The following SLC25A37 variants were observed in gnomAD, a reference collection of about 807,000 sequenced individuals.
SLC25A37 encodes mitoferrin-1.
In SLC25A37, 17 loss-of-function variants were observed where a neutral mutation model predicts 31.0. The ratio of observed to expected loss-of-function variants is 0.55; its 90% CI spans 0.38 to 0.82. The LOEUF is 0.82. Among genes scored for constraint, SLC25A37 ranks in the 40% least tolerant of loss-of-function variants. SLC25A37 has a pLI of 0.00. For missense variants in SLC25A37, 404 were observed against 465.8 expected (o/e 0.87, Z 1.22); for synonymous variants, 222 against 193.0 (o/e 1.15, Z -1.24).
chr8:23,571,778 GC>G lies in SLC25A37; in HGVS notation c.942del (p.Ile315PhefsTer34). ...ARVIYQMPST[A>X]ISWSVYEFFK... ...TGTCATCTACCAGATGCCCTCCACCGCCATTTCTTGGTCTGTCTATGAGTTC... is the reference window on the plus strand; with the variant it reads ...TGTCATCTACCAGATGCCCTCCACCGCATTTCTTGGTCTGTCTATGAGTTC... On this transcript the variant is annotated frameshift_variant, in exon 4 of 4. Transcript: ENST00000519973. LOFTEE classifies it high-confidence loss of function. 6.2e-7 allele frequency: 1 copy of G among 1,614,006 alleles called. No homozygotes were observed. Among genetic ancestry groups the G allele is most frequent in the Non-Finnish European group, 8.5e-7 (1 of 1,179,894 alleles).
At chr8:23,557,636 G>A (rs888043999) in intron 1 of SLC25A37, among the ~76,000 whole-genome samples, 1 of 152,200 alleles carries the variant, frequency 6.6e-6, no homozygotes, top group Non-Finnish European at 1.5e-5. Context: ...GCAGACCCCA[G>A]TGAAGCAGGA....
intron 1 of SLC25A37, among the ~76,000 whole-genome samples, chr8:23,547,328 C>T (rs569681966): frequency 4.6e-5 from 7 of 151,994 alleles, no homozygotes; most frequent in Non-Finnish European, 7.4e-5. Context: ...AGAAGCAAGG[C>T]GAAAGCAGAT....
intron 1 of SLC25A37, among the ~76,000 whole-genome samples, chr8:23,544,371 CAA>C (rs1801979865): frequency 6.6e-6 from 1 of 152,176 alleles, no homozygotes; most frequent in South Asian, 2.1e-4. Flanking sequence ...AGTCACCTAA[CAA>C]TGCATATCTC....
chr8:23,560,510 T>G (rs1802487796), intron 1 of SLC25A37, among the ~76,000 whole-genome samples: 1 of 152,194 alleles, frequency 6.6e-6, no homozygotes, highest in Non-Finnish European at 1.5e-5. Context: ...CTCCTCTGTA[T>G]CCTGGTGCCA....
At chr8:23,545,624 T>C (rs1380781309) in intron 1 of SLC25A37, among the ~76,000 whole-genome samples, 3 of 152,206 alleles carry the variant, frequency 2.0e-5, no homozygotes, top group Non-Finnish European at 4.4e-5. Flanking sequence ...GGAGCACGTG[T>C]GTGGGCCTTT....
rs1308275419 is a variant in SLC25A37 at position 23,571,465 on chromosome 8, C to T, written c.627C>T (p.Ile209=). ...ACACCACGCAGCTGACCATGAACAT[C>T]CCCTTCCAGTCCATCCACTTCATCA... ...RSYTTQLTMN[I]PFQSIHFITY... is the part of the protein sequence containing the mutation. The change falls in exon 4 of 4, where the codon ATC becomes ATT. Residue 209 remains isoleucine, a synonymous_variant. Transcript: ENST00000519973. The T allele has an allele frequency of 3.7e-6, 6 of 1,614,030 alleles. No individual in the cohort carries two copies. In the South Asian group the frequency reaches 5.5e-5, roughly 15 times the overall value.
Position 23,566,205 on chromosome 8 carries a change from C to T in SLC25A37, c.308C>T (p.Pro103Leu). Residue 103 changes from proline to leucine, a missense_variant, in exon 2 of 4, where the codon CCC becomes CTC. Pro to Leu is a moderately conservative substitution (Grantham distance 98). Coordinates refer to ENST00000519973, the MANE Select transcript of SLC25A37 (RefSeq NM_016612.4). ...ATGCGGACCGAAGGCTTCTGGAGGC[C>T]CTTGCGAGGCGTCAACGTCATGATC... is the stretch of plus-strand genomic sequence containing the variant. ...KIMRTEGFWR[P>L]LRGVNVMIMG... is the part of the protein sequence containing the mutation. 1 of 1,604,542 alleles carries T rather than the reference C, an allele frequency of 6.2e-7. No individual in the cohort carries two copies.
At chr8:23,559,869 G>A (rs1014467043) in intron 1 of SLC25A37, among the ~76,000 whole-genome samples, 1 of 152,148 alleles carries the variant, frequency 6.6e-6, no homozygotes, top group African/African-American at 2.4e-5. Flanking sequence ...TCCACTGTAT[G>A]GATATATTAC....
rs142793120 is a variant in SLC25A37, at chr8:23,567,207, C to T, written c.439+871C>T. 2.2e-4 allele frequency: 33 copies of T among 152,198 alleles called. 1 individual carries two copies. In the East Asian group the frequency reaches 4.1e-3, roughly 19 times the overall value. 9.4% of individuals were successfully genotyped at this position (152,198 alleles called of 1,614,324 possible). ...AGATTTGACCCACAATAACTTCTCC[C>T]CCTCTCTTTTTACTCTGCTCAAAAA... On this transcript the variant is annotated intron_variant, in intron 2 of 3. Transcript: ENST00000519973.
intron 1 of SLC25A37, among the ~76,000 whole-genome samples, chr8:23,534,266 T>G (rs1371842958): frequency 6.6e-6 from 1 of 152,134 alleles, no homozygotes; most frequent in Non-Finnish European, 1.5e-5. Context: ...TTCTTTTTGT[T>G]GAACTGGAAA....
intron 3 of SLC25A37, chr8:23,568,754 C>T: frequency 3.8e-6 from 1 of 263,126 alleles, no homozygotes; most frequent in East Asian, 9.0e-5. Flanking sequence ...ACCAGCCTGG[C>T]CAACATGGAG....
chr8:23,552,006 T>A (rs1453576057), intron 1 of SLC25A37, among the ~76,000 whole-genome samples: 2 of 152,192 alleles, frequency 1.3e-5, no homozygotes, highest in African/African-American at 2.4e-5. Flanking sequence ...ATTGTTTGAT[T>A]TAGCCATTTT....
Position 23,571,528 on chromosome 8 carries a change from G to A in SLC25A37, c.690G>A (p.Arg230=). The stretch of plus-strand genomic sequence containing the variant: ...TGCAGGAGCAGGTCAACCCCCACCG[G>A]ACCTACAACCCGCAGTCCCACATCA... The part of the protein sequence containing the change: ...EFLQEQVNPH[R]TYNPQSHIIS... Residue 230 remains arginine, a synonymous_variant, in exon 4 of 4, where the codon CGG becomes CGA. Transcript: ENST00000519973. 1 of 1,613,918 alleles carries A rather than the reference G, an allele frequency of 6.2e-7. No individual in the cohort carries two copies. Among genetic ancestry groups the A allele is most frequent in the Non-Finnish European group, 8.5e-7 (1 of 1,179,850 alleles).
chr8:23,546,249 C>T (rs1267662121), intron 1 of SLC25A37, among the ~76,000 whole-genome samples: 2 of 151,828 alleles, frequency 1.3e-5, no homozygotes, highest in Admixed American at 6.6e-5. Context: ...TGCAGTGAGC[C>T]GTGATCATGC....
In SLC25A37 at chr8:23,529,095, C is replaced by G. The variant is rs1465942663; in HGVS notation, c.93C>G (p.Thr31=). The G allele has an allele frequency of 6.2e-7, 1 of 1,606,294 alleles. No individual in the cohort carries two copies. Among genetic ancestry groups the G allele is most frequent in the Non-Finnish European group, 8.5e-7 (1 of 1,177,364 alleles). The part of the protein sequence containing the change: ...SRDGGGGKDA[T]GSEDYENLPT... ...ATGGCGGCGGCGGCAAGGACGCCACCGGGTCGGAGGACTACGAGAACCTGC... is the reference window on the plus strand; with the variant it reads ...ATGGCGGCGGCGGCAAGGACGCCACGGGGTCGGAGGACTACGAGAACCTGC... Residue 31 remains threonine, a synonymous_variant, in exon 1 of 4, where the codon ACC becomes ACG. Coordinates refer to ENST00000519973, the MANE Select transcript of SLC25A37 (RefSeq NM_016612.4). The surrounding 1 kb of genome is among the most constrained non-coding windows in gnomAD (Gnocchi z 4.1).
chr8:23,549,969 G>A lies in SLC25A37; in HGVS notation c.211-16139G>A, dbSNP rs980827089. Among the ~76,000 whole-genome samples, 8 of 137,692 alleles carry A rather than the reference G, an allele frequency of 5.8e-5. 1 individual carries two copies. The highest frequency in any genetic ancestry group is 9.7e-5 in the African/African-American group (3 of 30,776). 90.3% of individuals were successfully genotyped at this position (137,692 alleles called of 152,430 possible). A position where few individuals can be genotyped will look rare whatever the true frequency, so the allele number is the denominator to read the frequency against. ...GGCCAAGGCGGGCAGATCCCCTGAGGTCGGGAGTTTGAGACCAGCCTGACC... is the reference window on the plus strand; with the variant it reads ...GGCCAAGGCGGGCAGATCCCCTGAGATCGGGAGTTTGAGACCAGCCTGACC... On this transcript the variant is annotated intron_variant, in intron 1 of 3. Transcript: ENST00000519973.
intron 1 of SLC25A37, among the ~76,000 whole-genome samples, chr8:23,549,292 C>A (rs1391103159): frequency 6.6e-6 from 1 of 152,140 alleles, no homozygotes; most frequent in Non-Finnish European, 1.5e-5. Flanking sequence ...CTGCCTCCTC[C>A]TCTCACTTTT....
rs1310573859 is a variant in SLC25A37, at chr8:23,529,049, G to A, written c.47G>A (p.Arg16Lys). The A allele has an allele frequency of 3.2e-6, 5 of 1,575,048 alleles. No individual in the cohort carries two copies. Among genetic ancestry groups the A allele is most frequent in the Non-Finnish European group, 8.6e-7 (1 of 1,162,144 alleles). ...GSVGSQAVAR[R>K]MDGDSRDGGG... ...GTGGGCAGCCAGGCGGTGGCGCGGA[G>A]GATGGATGGGGACAGCCGAGATGGC... The change falls in exon 1 of 4, where the codon AGG (arginine) becomes AAG (lysine). Residue 16 changes from arginine (R) to lysine (K), a missense_variant. This residue lies in a region of SLC25A37 where 154 missense variants were observed against 153.6 expected (regional missense o/e 1.00). Transcript: ENST00000519973. The surrounding 1 kb of genome is among the most constrained non-coding windows in gnomAD (Gnocchi z 4.1).
At chr8:23,546,531 G>GTATATATATATATATATATATAGTGTA (rs1175510959) in intron 1 of SLC25A37, among the ~76,000 whole-genome samples, 29 of 36,430 alleles carry the variant, frequency 8.0e-4, no homozygotes, top group Non-Finnish European at 1.3e-3. Flanking sequence ...ATATATAGGT[G>GTATATATATATATATATATATAGTGTA]TATATATATA....
Sources: gnomAD v4.1 joint callset for allele counts (sites outside exome capture counted in the v4.1 genomes callset) on GRCh38, gnomAD v4.1.1 for gene constraint, gnomAD v4.1.1 regional missense constraint, Gnocchi (gnomAD v3.1) non-coding constraint, MANE v1.5 for transcripts, NCBI Gene and HGNC (gene_info 2026-07-23, HGNC 2026-07-21) for gene names.